The following ZFPM2 variants were observed in gnomAD, a reference collection of about 807,000 sequenced individuals.
The protein encoded by ZFPM2 is zinc finger protein, FOG family member 2.
In ZFPM2, 20 loss-of-function variants were observed where a neutral mutation model predicts 98.6. The ratio of observed to expected loss-of-function variants is 0.20; its 90% confidence interval spans 0.14 to 0.29. The LOEUF (loss-of-function observed/expected upper bound fraction) is 0.29. ZFPM2 is among the 10% of genes least tolerant of loss of function. ZFPM2 has a pLI of 1.00. For missense variants in ZFPM2, 1,310 were observed against 1,388.6 expected, an observed-to-expected ratio of 0.94 and a Z score of 0.90; for synonymous variants, 518 against 502.7, an observed-to-expected ratio of 1.03 and a Z score of -0.41.
At chr8:105,797,539 T>C (rs1315542729) in intron 6 of ZFPM2, among the ~76,000 whole-genome samples, 1 of 152,206 alleles carries the variant, frequency 6.6e-6, no homozygotes, top group Non-Finnish European at 1.5e-5. Flanking sequence ...TAAAACTTGT[T>C]GAGAGTCTGC....
intron 1 of ZFPM2, among the ~76,000 whole-genome samples, chr8:105,357,710 A>G (rs1184007679): frequency 6.6e-6 from 1 of 152,208 alleles, no homozygotes; most frequent in Admixed American, 6.5e-5. Flanking sequence ...ATAAATAGAG[A>G]TAAACCATCA....
In ZFPM2 at chr8:105,480,025, G is replaced by A. The variant is rs1462137921; in HGVS notation, c.301+35644G>A. 3.9e-5 allele frequency among the ~76,000 whole-genome samples: 6 copies of A among 152,188 alleles called. No homozygotes were observed. The East Asian group carries it at 9.6e-4, about 24-fold the overall frequency. ...ACTCCCCGTTGAGCATCAAATAGTGGTAGGTAACCACTAGCTGTAAGCTCA... is the reference window on the plus strand; with the variant it reads ...ACTCCCCGTTGAGCATCAAATAGTGATAGGTAACCACTAGCTGTAAGCTCA... On this transcript the variant is annotated intron_variant, in intron 3 of 7. Coordinates refer to ENST00000407775, the MANE Select transcript of ZFPM2 (RefSeq NM_012082.4).
intron 3 of ZFPM2, among the ~76,000 whole-genome samples, chr8:105,474,565 C>G (rs1812976140): frequency 6.6e-6 from 1 of 151,934 alleles, no homozygotes; most frequent in Non-Finnish European, 1.5e-5. Flanking sequence ...AAATAAGAAG[C>G]AAGTTATCTT....
chr8:105,519,729 G>A (rs562630206), intron 3 of ZFPM2, among the ~76,000 whole-genome samples: 2 of 151,640 alleles, frequency 1.3e-5, no homozygotes, highest in Non-Finnish European at 2.9e-5. Flanking sequence ...TGCAATATAG[G>A]AACACTTGAC....
chr8:105,587,146 G>A (rs555510258), intron 4 of ZFPM2, among the ~76,000 whole-genome samples: 32 of 151,430 alleles, frequency 2.1e-4, no homozygotes, highest in African/African-American at 4.6e-4. Flanking sequence ...GCGTGGTGGC[G>A]GGCACCTGTA....
chr8:105,611,367 T>A (rs757801609), intron 4 of ZFPM2, among the ~76,000 whole-genome samples: 1 of 152,198 alleles, frequency 6.6e-6, no homozygotes, highest in Non-Finnish European at 1.5e-5. Context: ...TTCCTTCATA[T>A]CAATTCAGTC....
intron 3 of ZFPM2, among the ~76,000 whole-genome samples, chr8:105,496,892 G>A (rs1298320923): frequency 1.4e-5 from 2 of 139,962 alleles, no homozygotes; most frequent in Non-Finnish European, 3.0e-5. Flanking sequence ...TGAGGCAGGA[G>A]AATCACTTGA....
rs557187899 is a variant in ZFPM2, at chr8:105,388,399, CATG to C, written c.41-30742_41-30740del. Among the ~76,000 whole-genome samples the C allele has an allele frequency of 2.6e-3, 393 of 152,102 alleles. 2 individuals carry two copies. The highest frequency in any genetic ancestry group is 0.017 in the Middle Eastern group (5 of 294). ...GAGGGAGAACACACAACATGGGAGA[CATG>C]ATAATAAAAATGACTTGCAGTATAA... On this transcript the variant is annotated intron_variant, in intron 1 of 7. Transcript: ENST00000407775.
intron 5 of ZFPM2, among the ~76,000 whole-genome samples, chr8:105,715,235 CA>C (rs943175071): frequency 2.0e-5 from 3 of 151,158 alleles, no homozygotes; most frequent in South Asian, 2.1e-4. Flanking sequence ...CCCATCTCTA[CA>C]AAAAAAATAG....
chr8:105,573,988 T>A (rs1170370471), intron 4 of ZFPM2, among the ~76,000 whole-genome samples: 1 of 152,236 alleles, frequency 6.6e-6, no homozygotes, highest in African/African-American at 2.4e-5. Context: ...TATACGCATT[T>A]AGTCACTTTG....
At chr8:105,788,318 A>G (rs1356892366) in intron 5 of ZFPM2, among the ~76,000 whole-genome samples, 1 of 152,206 alleles carries the variant, frequency 6.6e-6, no homozygotes, top group African/African-American at 2.4e-5. Flanking sequence ...TTCATAAAAT[A>G]TAGAAAGAAT....
chr8:105,327,194 G>C (rs1304269527), intron 1 of ZFPM2, among the ~76,000 whole-genome samples: 2 of 151,498 alleles, frequency 1.3e-5, no homozygotes, highest in African/African-American at 4.8e-5. Context: ...TGCATAGGAA[G>C]ATTTCTTGCA....
intron 5 of ZFPM2, among the ~76,000 whole-genome samples, chr8:105,777,746 T>C (rs772046861): frequency 1.3e-5 from 2 of 152,218 alleles, no homozygotes; most frequent in Non-Finnish European, 2.9e-5. Flanking sequence ...TGAGTTGGCA[T>C]GTTGCTGCAT....
intron 3 of ZFPM2, among the ~76,000 whole-genome samples, chr8:105,477,354 C>T (rs1813033648): frequency 6.7e-6 from 1 of 150,080 alleles, no homozygotes; most frequent in Non-Finnish European, 1.5e-5. Context: ...AAGAGATTCT[C>T]CTGCTTCAGC....
chr8:105,619,856 A>G (rs998729668), intron 4 of ZFPM2, among the ~76,000 whole-genome samples: 2 of 152,106 alleles, frequency 1.3e-5, no homozygotes, highest in African/African-American at 4.8e-5. Context: ...ACAAAGGACA[A>G]GAACTCATCC....
chr8:105,753,063 G>A (rs1812514239), intron 5 of ZFPM2, among the ~76,000 whole-genome samples: 1 of 152,078 alleles, frequency 6.6e-6, no homozygotes, highest in Admixed American at 6.6e-5. Flanking sequence ...CAGGATCAAC[G>A]TGAGAGGCCA....
intron 1 of ZFPM2, among the ~76,000 whole-genome samples, chr8:105,406,163 A>T (rs571085416): frequency 2.0e-5 from 3 of 152,128 alleles, no homozygotes; most frequent in African/African-American, 7.2e-5. Context: ...TTCATTGTAG[A>T]TTCTGGATAT....
chr8:105,750,992 A>G (rs1812462890), intron 5 of ZFPM2, among the ~76,000 whole-genome samples: 1 of 152,228 alleles, frequency 6.6e-6, no homozygotes, highest in South Asian at 2.1e-4. Flanking sequence ...TTATCATTTC[A>G]GTATGCAGAC....
chr8:105,327,131 T>G (rs1269645507), intron 1 of ZFPM2, among the ~76,000 whole-genome samples: 1 of 151,472 alleles, frequency 6.6e-6, no homozygotes, highest in Non-Finnish European at 1.5e-5. Flanking sequence ...TGTGGGCATC[T>G]CTTATTGAGA....
Sources: gnomAD v4.1 joint callset for allele counts (sites outside exome capture counted in the v4.1 genomes callset) on GRCh38, gnomAD v4.1.1 for gene constraint, MANE v1.5 for transcripts, NCBI Gene and HGNC (gene_info 2026-07-23, HGNC 2026-07-21) for gene names.